Variants in DEFB104B observed in about 807,000 individuals in gnomAD.
The protein encoded by DEFB104B is defensin beta 104B, also known as beta-defensin 104.
chr8:7,473,894 C>T (rs1355999860), intron 1 of DEFB104B, among the ~76,000 whole-genome samples: 1 of 141,022 alleles, frequency 7.1e-6, no homozygotes, highest in African/African-American at 2.5e-5. Flanking sequence ...ATCCCTGACC[C>T]AGGCTTTCCA....
chr8:7,472,019 T>A (rs1332944661), intron 1 of DEFB104B, among the ~76,000 whole-genome samples: 1 of 151,462 alleles, frequency 6.6e-6, no homozygotes, highest in Non-Finnish European at 1.5e-5. Flanking sequence ...GATAGGATAT[T>A]GAAGGGGTTA....
At chr8:7,472,951 G>C (rs1420595323) in intron 1 of DEFB104B, among the ~76,000 whole-genome samples, 4 of 113,612 alleles carry the variant, frequency 3.5e-5, no homozygotes, top group African/African-American at 1.4e-4. Context: ...CCACCTCTTG[G>C]GTTCAAGCGA....
In DEFB104B at chr8:7,474,294, T is replaced by C. The variant is rs1403029083; in HGVS notation, c.58+717A>G. ...AATCTTATTTTCTCTCACTGTACTATAGAGAATGCTGCTCAGCTTGTAAAA... is the reference window on the plus strand; with the variant it reads ...AATCTTATTTTCTCTCACTGTACTACAGAGAATGCTGCTCAGCTTGTAAAA... On this transcript the variant is annotated intron_variant, in intron 1 of 1. Coordinates refer to ENST00000316169, the MANE Select transcript of DEFB104B (RefSeq NM_001040702.1). 1.5e-4 allele frequency among the ~76,000 whole-genome samples: 22 copies of C among 146,236 alleles called. 1 individual carries two copies. Among genetic ancestry groups the C allele is most frequent in the African/African-American group, 5.3e-4 (21 of 39,710 alleles).
At position 7,472,832 on chromosome 8, in the gene DEFB104B, C is replaced by CT. The variant is rs1247089228; in HGVS notation, c.58+2178dup. On this transcript the variant is annotated intron_variant, in intron 1 of 1. Coordinates refer to ENST00000316169, the MANE Select transcript of DEFB104B (RefSeq NM_001040702.1). ...CATCAATCAATACGTGTAAGATTTG[C>CT]TTTGTTTTTTTTGTTTGTTTGTTTG... Among the ~76,000 whole-genome samples, 6 of 130,662 alleles carry CT rather than the reference C, an allele frequency of 4.6e-5. 1 individual carries two copies. In the East Asian group the frequency reaches 1.4e-3, roughly 31 times the overall value. 85.7% of individuals were successfully genotyped at this position (130,662 alleles called of 152,430 possible). A position where few individuals can be genotyped will look rare whatever the true frequency, so the allele number is the denominator to read the frequency against.
chr8:7,471,160 C>A (rs2128877686), intron 1 of DEFB104B, among the ~76,000 whole-genome samples: 1 of 149,924 alleles, frequency 6.7e-6, no homozygotes, highest in African/African-American at 2.5e-5. Flanking sequence ...ATCTATGTAT[C>A]TATATAGGTA....
At chr8:7,472,818 A>G (rs1585521316) in intron 1 of DEFB104B, among the ~76,000 whole-genome samples, 1 of 132,970 alleles carries the variant, frequency 7.5e-6, no homozygotes, top group Admixed American at 7.7e-5. Flanking sequence ...ATCAATCAAT[A>G]CGTGTAAGAT....
chr8:7,472,309 G>C (rs1365316523), intron 1 of DEFB104B, among the ~76,000 whole-genome samples: 12 of 122,660 alleles, frequency 9.8e-5, no homozygotes, highest in African/African-American at 4.1e-4. Context: ...GGGAGAAGGA[G>C]AATAGACTAG....
chr8:7,471,995 C>T (rs1463620251), intron 1 of DEFB104B, among the ~76,000 whole-genome samples: 7 of 151,414 alleles, frequency 4.6e-5, no homozygotes, highest in African/African-American at 1.7e-4. Flanking sequence ...GCAGTTTGAC[C>T]AATTCATGTG....
chr8:7,472,778 G>T (rs1268674014), intron 1 of DEFB104B, among the ~76,000 whole-genome samples: 1 of 135,812 alleles, frequency 7.4e-6, no homozygotes, highest in Non-Finnish European at 1.5e-5. Context: ...CAGCTTGCTT[G>T]GTTTTATACA....
intron 1 of DEFB104B, among the ~76,000 whole-genome samples, chr8:7,474,748 G>T (rs1188151314): frequency 2.2e-5 from 3 of 137,716 alleles, no homozygotes; most frequent in Non-Finnish European, 4.9e-5. Context: ...GTGTGGCCAG[G>T]GTGCCAAGGA....
At chr8:7,474,087 T>A (rs1169782810) in intron 1 of DEFB104B, among the ~76,000 whole-genome samples, 3 of 139,908 alleles carry the variant, frequency 2.1e-5, no homozygotes, top group Non-Finnish European at 4.8e-5. Flanking sequence ...TGAAAAAAAA[T>A]CATTAACCCA....
intron 1 of DEFB104B, among the ~76,000 whole-genome samples, chr8:7,472,644 A>C (rs1585521189): frequency 7.9e-6 from 1 of 127,072 alleles, no homozygotes; most frequent in East Asian, 2.7e-4. Context: ...CTACAGACCC[A>C]GAAAATCTTA....
chr8:7,474,164 C>G (rs1162496084), intron 1 of DEFB104B, among the ~76,000 whole-genome samples: 1 of 142,112 alleles, frequency 7.0e-6, no homozygotes, highest in Non-Finnish European at 1.6e-5. Flanking sequence ...TGTCAAAGCC[C>G]CATAAAATTG....
intron 1 of DEFB104B, among the ~76,000 whole-genome samples, chr8:7,474,025 A>G (rs1195511287): frequency 1.4e-5 from 2 of 140,056 alleles, no homozygotes; most frequent in African/African-American, 5.2e-5. Flanking sequence ...TGTCTTTGGG[A>G]AATGACACGG....
At chr8:7,471,147 T>C (rs1169251664) in intron 1 of DEFB104B, among the ~76,000 whole-genome samples, 40 of 151,532 alleles carry the variant, frequency 2.6e-4, no homozygotes, top group African/African-American at 8.8e-4. Flanking sequence ...GTTGTAGTTA[T>C]ATATCTATGT....
In DEFB104B at chr8:7,474,516, C is replaced by T. The variant is rs1353901968; in HGVS notation, c.58+495G>A. 2.8e-5 allele frequency among the ~76,000 whole-genome samples: 4 copies of T among 141,518 alleles called. 1 individual carries two copies. Among genetic ancestry groups the T allele is most frequent in the South Asian group, 4.4e-4 (2 of 4,566 alleles). The allele number at this position is 141,518 out of a possible 152,430, so 92.8% of individuals were successfully genotyped here. A position where few individuals can be genotyped will look rare whatever the true frequency, so the allele number is the denominator to read the frequency against. On this transcript the variant is annotated intron_variant, in intron 1 of 1. Transcript: ENST00000316169. ...TCTTGCCTACTGAAATCACTGCATCCCCTTTAATCCTAATCATCTGACTTG... is the reference window on the plus strand; with the variant it reads ...TCTTGCCTACTGAAATCACTGCATCTCCTTTAATCCTAATCATCTGACTTG...
chr8:7,473,947 G>A (rs572128949), intron 1 of DEFB104B, among the ~76,000 whole-genome samples: 2 of 140,042 alleles, frequency 1.4e-5, no homozygotes, highest in Admixed American at 7.2e-5. Context: ...AAGAAAACCT[G>A]TTCTTTGATA....
At chr8:7,473,858 C>T (rs1239829933) in intron 1 of DEFB104B, among the ~76,000 whole-genome samples, 13 of 138,442 alleles carry the variant, frequency 9.4e-5, no homozygotes, top group East Asian at 2.3e-4. Context: ...GCCAGCTCTG[C>T]GGTGCATTCT....
intron 1 of DEFB104B, among the ~76,000 whole-genome samples, chr8:7,474,600 G>C (rs62639768): frequency 0.24 from 33,980 of 138,710 alleles, 6,442 homozygotes; most frequent in Admixed American, 0.32. Flanking sequence ...GCAGAGTAAA[G>C]CTGTTCAGAA....
Sources: gnomAD v4.1 joint callset for allele counts (sites outside exome capture counted in the v4.1 genomes callset) on GRCh38, gnomAD v4.1.1 for gene constraint, MANE v1.5 for transcripts, NCBI Gene and HGNC (gene_info 2026-07-23, HGNC 2026-07-21) for gene names.